Variants in PATJ observed in about 807,000 individuals in gnomAD.
The protein encoded by PATJ is PATJ crumbs cell polarity complex component, also known as inaD-like protein.
In PATJ, 190 loss-of-function variants were observed where a neutral mutation model predicts 224.9. The ratio of observed to expected loss-of-function variants is 0.84; its 90% confidence interval spans 0.75 to 0.95. The LOEUF (loss-of-function observed/expected upper bound fraction) is 0.95, where lower values mean the gene tolerates loss of function less well. PATJ is among the 40% of genes least tolerant of loss of function. The pLI is 0.00. For missense variants in PATJ, 2,121 were observed against 2,270.3 expected (o/e 0.93, Z 1.34); for synonymous variants, 769 against 820.3 (o/e 0.94, Z 1.07).
chr1:61,814,559 C>CGT (rs1655710933), intron 14 of PATJ, among the ~76,000 whole-genome samples: 4 of 141,562 alleles, frequency 2.8e-5, no homozygotes, highest in Non-Finnish European at 6.1e-5. Flanking sequence ...CGCGCGCGCG[C>CGT]GCATGTATGT....
At chr1:61,986,564 C>T (rs527874220) in intron 27 of PATJ, among the ~76,000 whole-genome samples, 5 of 152,164 alleles carry the variant, frequency 3.3e-5, no homozygotes, top group East Asian at 1.9e-4. Flanking sequence ...AAATTATAGG[C>T]GCGTGCCGCT....
chr1:61,988,469 G>A lies in PATJ; in HGVS notation c.3671-1699G>A, dbSNP rs375387523. On this transcript the variant is annotated intron_variant, in intron 27 of 43. Coordinates refer to ENST00000642238, the MANE Select transcript of PATJ (RefSeq NM_001350145.3). ...ACACAGCATCTTGTTCTTGGTTGCC[G>A]ACCAGCAAAAATGCCTTGTATTTAT... is the stretch of plus-strand genomic sequence containing the variant. Among the ~76,000 whole-genome samples, 15 of 152,154 alleles carry A rather than the reference G, an allele frequency of 9.9e-5. 1 individual carries two copies. The highest frequency in any genetic ancestry group is 4.1e-4 in the South Asian group (2 of 4,822).
chr1:62,036,915 A>G (rs1034378653), intron 29 of PATJ, among the ~76,000 whole-genome samples: 7 of 147,986 alleles, frequency 4.7e-5, no homozygotes, highest in African/African-American at 9.9e-5. Context: ...GGGAGGGAGG[A>G]AGGGAGGAAG....
At chr1:61,974,199 A>T (rs1643984857) in intron 27 of PATJ, among the ~76,000 whole-genome samples, 1 of 151,902 alleles carries the variant, frequency 6.6e-6, no homozygotes, top group Admixed American at 6.6e-5. Flanking sequence ...TGATACTGTG[A>T]GCCTGATAGT....
intron 17 of PATJ, among the ~76,000 whole-genome samples, chr1:61,848,280 C>T (rs1662284098): frequency 6.6e-6 from 1 of 152,186 alleles, no homozygotes; most frequent in South Asian, 2.1e-4. Flanking sequence ...TTCTAATCCA[C>T]ACTCATCTTA....
At chr1:61,883,737 CAG>C (rs1486893305) in intron 21 of PATJ, among the ~76,000 whole-genome samples, 30 of 122,438 alleles carry the variant, frequency 2.5e-4, no homozygotes, top group African/African-American at 8.9e-4. Flanking sequence ...GCCTGGGCAA[CAG>C]AGAGAGACTC....
chr1:62,079,856 G>C (rs2148730127), intron 32 of PATJ, among the ~76,000 whole-genome samples: 1 of 152,100 alleles, frequency 6.6e-6, no homozygotes, highest in Middle Eastern at 3.4e-3. Flanking sequence ...GTGAAACCCT[G>C]TCTCTACTAA....
At chr1:61,777,869 G>A (rs962818276) in intron 7 of PATJ, among the ~76,000 whole-genome samples, 3 of 151,384 alleles carry the variant, frequency 2.0e-5, no homozygotes, top group African/African-American at 7.3e-5. Context: ...CACCATGCTA[G>A]GCTAATTTAT....
At chr1:61,833,895 CAAAG>C in intron 17 of PATJ, 110 bp downstream of exon 17, 1 of 888,992 alleles carries the variant, frequency 1.1e-6, no homozygotes, top group Non-Finnish European at 1.7e-6. Context: ...AACTGAATCC[CAAAG>C]ATGGGATATT....
At chr1:62,038,657 A>G (rs1450472353) in intron 30 of PATJ, 1 of 225,038 alleles carries the variant, frequency 4.4e-6, no homozygotes, top group African/African-American at 2.3e-5. Context: ...TTCTTTCACT[A>G]CCTCCCTAAG....
chr1:61,861,613 A>G lies in PATJ; in HGVS notation c.2385A>G (p.Glu795=). Residue 795 remains glutamate, a synonymous_variant, in exon 19 of 44, where the codon GAA becomes GAG. Transcript: ENST00000642238. The stretch of plus-strand genomic sequence containing the variant: ...CAAGCAGTAATGAAGACAAGACTGA[A>G]TTTTCAGGAACAATTCATGATATAA... The part of the protein sequence containing the change: ...LHSSSNEDKT[E]FSGTIHDINS... The G allele has an allele frequency of 6.7e-7, 1 of 1,495,468 alleles. No homozygotes were observed. Among genetic ancestry groups the G allele is most frequent in the Non-Finnish European group, 9.0e-7 (1 of 1,113,812 alleles). The allele number at this position is 1,495,468 out of a possible 1,614,324, so 92.6% of individuals were successfully genotyped here.
chr1:62,028,777 G>A (rs1237184456), intron 29 of PATJ, among the ~76,000 whole-genome samples: 2 of 151,240 alleles, frequency 1.3e-5, no homozygotes, highest in Non-Finnish European at 2.9e-5. Flanking sequence ...GAAGAAGACT[G>A]TGTTTAAAAA....
intron 28 of PATJ, among the ~76,000 whole-genome samples, chr1:61,991,167 C>T (rs777390037): frequency 1.3e-5 from 2 of 151,442 alleles, no homozygotes; most frequent in Non-Finnish European, 2.9e-5. Flanking sequence ...ATTTATACTA[C>T]AAAATAAGAA....
chr1:62,123,402 T>C (rs1216880363), intron 39 of PATJ, among the ~76,000 whole-genome samples: 6 of 151,902 alleles, frequency 3.9e-5, no homozygotes, highest in Non-Finnish European at 1.5e-5. Context: ...TAAGTATTTT[T>C]TGAGAGCATA....
At chr1:61,773,085 ATCTCGGCTC>A (rs778889598) in intron 6 of PATJ, among the ~76,000 whole-genome samples, 3 of 151,992 alleles carry the variant, frequency 2.0e-5, no homozygotes, top group Non-Finnish European at 4.4e-5. Context: ...GCAGGGCGTG[ATCTCGGCTC>A]ACTGCAACCC....
In PATJ at chr1:61,851,286, G is replaced by A. The variant is rs145135170; in HGVS notation, c.2113-4744G>A. On this transcript the variant is annotated intron_variant, in intron 17 of 43. Transcript: ENST00000642238. The stretch of plus-strand genomic sequence containing the variant: ...AATGCTGTAATTGAAGGTCTTTTTT[G>A]GTTTAGGGATATCACAGAGTAGGAA... Among the ~76,000 whole-genome samples the A allele has an allele frequency of 3.5e-4, 53 of 152,120 alleles. No homozygotes were observed. The Middle Eastern group carries it at 0.01, about 29-fold the overall frequency.
intron 20 of PATJ, among the ~76,000 whole-genome samples, chr1:61,871,413 A>ATATACG (rs1557792248): frequency 7.8e-6 from 1 of 128,812 alleles, no homozygotes; most frequent in African/African-American, 2.9e-5. Context: ...GTATATATAT[A>ATATACG]CATATATATG....
chr1:61,884,132 C>T, intron 21 of PATJ, 105 bp from the exon 22 acceptor site: 1 of 673,582 alleles, frequency 1.5e-6, no homozygotes, highest in South Asian at 3.3e-5. Flanking sequence ...CAGTCTCCTA[C>T]CTGGAAGAGT....
chr1:61,863,238 A>G (rs568504819), intron 19 of PATJ, among the ~76,000 whole-genome samples: 1 of 151,676 alleles, frequency 6.6e-6, no homozygotes, highest in East Asian at 1.9e-4. Flanking sequence ...GGCTCACTAT[A>G]TTGCCCAGCC....
Sources: gnomAD v4.1 joint callset for allele counts (sites outside exome capture counted in the v4.1 genomes callset) on GRCh38, gnomAD v4.1.1 for gene constraint, MANE v1.5 for transcripts, NCBI Gene and HGNC (gene_info 2026-07-23, HGNC 2026-07-21) for gene names.